The following PARD3 variants were observed in gnomAD, a reference collection of about 807,000 sequenced individuals.
PARD3 encodes par-3 family cell polarity regulator, also known as partitioning defective 3 homolog.
In PARD3, 75 loss-of-function variants were observed where a neutral mutation model predicts 155.4. That is an observed-to-expected ratio of 0.48 (90% CI 0.40 to 0.58). The LOEUF (loss-of-function observed/expected upper bound fraction) is 0.58, where lower values mean the gene tolerates loss of function less well. Among genes scored for constraint, PARD3 ranks in the 20% least tolerant of loss-of-function variants. The probability of loss-of-function intolerance (pLI) is 0.00; values close to 1 mark genes in which losing one functional copy is unlikely to be tolerated. For missense variants in PARD3, 1,642 were observed against 1,721.7 expected (o/e 0.95, Z 0.82); for synonymous variants, 576 against 610.5 (o/e 0.94, Z 0.83).
chr10:34,561,426 A>G (rs1219774031), intron 2 of PARD3, among the ~76,000 whole-genome samples: 3 of 152,190 alleles, frequency 2.0e-5, no homozygotes, highest in African/African-American at 7.2e-5. Context: ...AGTCATATTC[A>G]TTAAAACTGG....
At chr10:34,430,678 A>C (rs193272334) in intron 5 of PARD3, among the ~76,000 whole-genome samples, 41 of 152,346 alleles carry the variant, frequency 2.7e-4, no homozygotes, top group African/African-American at 8.9e-4. Context: ...TAAAAGAAAC[A>C]GAAATTTTAG....
chr10:34,661,975 T>C (rs1196331033), intron 2 of PARD3, among the ~76,000 whole-genome samples: 1 of 152,208 alleles, frequency 6.6e-6, no homozygotes, highest in Non-Finnish European at 1.5e-5. Context: ...AGCCAGATCC[T>C]GCATGTAAGC....
intron 20 of PARD3, among the ~76,000 whole-genome samples, chr10:34,288,075 G>T (rs1163208210): frequency 6.6e-6 from 1 of 152,052 alleles, no homozygotes; most frequent in Non-Finnish European, 1.5e-5. Context: ...GCTGGGTGTG[G>T]TGGTACACAC....
chr10:34,377,801 A>T (rs181345706), intron 10 of PARD3, among the ~76,000 whole-genome samples, 166 bp downstream of exon 10: 12 of 152,254 alleles, frequency 7.9e-5, no homozygotes, highest in Admixed American at 6.5e-4. Context: ...TATAAAAAAT[A>T]ACATGGAAAA....
At chr10:34,479,316 C>A (rs930134044) in intron 3 of PARD3, among the ~76,000 whole-genome samples, 1 of 151,950 alleles carries the variant, frequency 6.6e-6, no homozygotes, top group Non-Finnish European at 1.5e-5. Context: ...CGCCTGCCAC[C>A]ACGCCCGGCT....
At chr10:34,679,541 G>A (rs892155556) in intron 2 of PARD3, among the ~76,000 whole-genome samples, 8 of 152,168 alleles carry the variant, frequency 5.3e-5, no homozygotes, top group African/African-American at 1.4e-4. Context: ...TTCTTCCAGT[G>A]AATGAGAAAT....
In PARD3 at chr10:34,530,435, C is replaced by T. The variant is rs561008189; in HGVS notation, c.223-13276G>A. Among the ~76,000 whole-genome samples the T allele has an allele frequency of 3.3e-5, 5 of 152,314 alleles. No homozygotes were observed. In the South Asian group the frequency reaches 1.0e-3, roughly 32 times the overall value. On this transcript the variant is annotated intron_variant, in intron 2 of 24. Coordinates refer to ENST00000374788, the MANE Select transcript of PARD3 (RefSeq NM_001184785.2). The stretch of plus-strand genomic sequence containing the variant: ...ACTGCTTCGTCTCTGTCTTCTTCCT[C>T]ATGATCAGGCACTGGTTCGGAAATA...
intron 2 of PARD3, among the ~76,000 whole-genome samples, chr10:34,592,690 T>C (rs2088827851): frequency 6.6e-6 from 1 of 152,140 alleles, no homozygotes; most frequent in South Asian, 2.1e-4. Flanking sequence ...GCAGGAGAAT[T>C]GCTTGAACCC....
chr10:34,450,213 A>G, intron 5 of PARD3, 104 bp downstream of exon 5: 1 of 1,083,040 alleles, frequency 9.2e-7, no homozygotes, highest in Non-Finnish European at 1.3e-6. Context: ...TGTTAGAATA[A>G]TTAACTTTTA....
At chr10:34,350,633 CG>C (rs113142401) in intron 14 of PARD3, among the ~76,000 whole-genome samples, 85 of 40,792 alleles carry the variant, frequency 2.1e-3, no homozygotes, top group Admixed American at 3.9e-3. Context: ...TCCATCTTGG[CG>C]GGGGGGGAGG....
chr10:34,454,104 A>G (rs927721832), intron 4 of PARD3, among the ~76,000 whole-genome samples: 3 of 152,224 alleles, frequency 2.0e-5, no homozygotes. Flanking sequence ...TTTAAAATAC[A>G]TTATTAATTC....
chr10:34,753,665 G>C (rs910972312), intron 1 of PARD3, among the ~76,000 whole-genome samples: 3 of 152,198 alleles, frequency 2.0e-5, no homozygotes, highest in African/African-American at 7.2e-5. Context: ...ATGGCAGAGG[G>C]TTGTGTGAAT....
chr10:34,684,938 C>T (rs1187779579), intron 2 of PARD3, among the ~76,000 whole-genome samples: 2 of 151,486 alleles, frequency 1.3e-5, no homozygotes, highest in African/African-American at 2.4e-5. Flanking sequence ...AGCCCAATGC[C>T]TGGTACAAAC....
At chr10:34,384,289 A>G in intron 7 of PARD3, 35 bp from the exon 8 acceptor site, 1 of 1,599,926 alleles carries the variant, frequency 6.3e-7, no homozygotes, top group Non-Finnish European at 8.5e-7. Flanking sequence ...TTACACATGT[A>G]ATATCTCCAC....
intron 2 of PARD3, among the ~76,000 whole-genome samples, chr10:34,666,816 T>TATATATATATATATATATACACAC (rs765552982): frequency 5.6e-5 from 5 of 88,808 alleles, no homozygotes; most frequent in African/African-American, 1.9e-4. Flanking sequence ...TATATATATA[T>TATATATATATATATATATACACAC]ACACACACAC....
intron 22 of PARD3, among the ~76,000 whole-genome samples, chr10:34,231,479 A>T (rs1952928997): frequency 6.6e-6 from 1 of 151,966 alleles, no homozygotes; most frequent in Admixed American, 6.6e-5. Context: ...CTTACAGATG[A>T]TCATCTTTCA....
intron 2 of PARD3, among the ~76,000 whole-genome samples, chr10:34,563,417 A>G (rs1320508944): frequency 6.6e-6 from 1 of 152,088 alleles, no homozygotes; most frequent in Non-Finnish European, 1.5e-5. Context: ...ACCAGGCTGG[A>G]CTGCAGTGGC....
chr10:34,330,756 A>AT (rs1211846978), intron 19 of PARD3, among the ~76,000 whole-genome samples: 1 of 152,150 alleles, frequency 6.6e-6, no homozygotes, highest in Non-Finnish European at 1.5e-5. Context: ...CAGAAATTAC[A>AT]TTTTTTACCA....
chr10:34,753,398 GTCCTTACTATCC>G (rs2133965718), intron 1 of PARD3, among the ~76,000 whole-genome samples: 1 of 152,280 alleles, frequency 6.6e-6, no homozygotes, highest in South Asian at 2.1e-4. Flanking sequence ...AATTCATTTC[GTCCTTACTATCC>G]TCCTACAAAA....
Sources: allele counts gnomAD v4.1 joint callset (sites outside exome capture counted in the v4.1 genomes callset), GRCh38; gene constraint gnomAD v4.1.1; transcripts MANE v1.5; gene names NCBI Gene and HGNC (gene_info 2026-07-23, HGNC 2026-07-21).